The following ELP4 variants were observed in gnomAD, a reference collection of about 807,000 sequenced individuals.
The protein encoded by ELP4 is elongator complex protein 4.
Under a neutral mutation model 48.9 loss-of-function variants are expected in ELP4, and 51 were observed. The ratio of observed to expected loss-of-function variants is 1.04; its 90% confidence interval spans 0.83 to 1.32. The LOEUF is 1.32. ELP4 is among the 40% of genes most tolerant of loss of function. The pLI is 0.00. For missense variants in ELP4, 519 were observed against 514.6 expected (o/e 1.01, Z -0.08); for synonymous variants, 210 against 189.2 (o/e 1.11, Z -0.90).
intron 9 of ELP4, among the ~76,000 whole-genome samples, chr11:31,694,943 A>G (rs1480245210): frequency 1.3e-5 from 2 of 152,170 alleles, no homozygotes; most frequent in African/African-American, 4.8e-5. Context: ...GAGTTCACTC[A>G]TGATTTGGCT....
intron 6 of ELP4, among the ~76,000 whole-genome samples, chr11:31,630,953 GAA>G (rs898904071): frequency 1.3e-5 from 2 of 151,620 alleles, no homozygotes; most frequent in African/African-American, 4.8e-5. Context: ...CAAAAAAAAA[GAA>G]AAAAGAAAGA....
At chr11:31,534,636 A>G (rs887810559) in intron 2 of ELP4, among the ~76,000 whole-genome samples, 11 of 152,222 alleles carry the variant, frequency 7.2e-5, no homozygotes, top group Non-Finnish European at 1.5e-4. Flanking sequence ...AAACATAGAA[A>G]AAGTACTGAA....
intron 5 of ELP4, among the ~76,000 whole-genome samples, chr11:31,626,646 T>C (rs1364315945): frequency 6.6e-6 from 1 of 151,888 alleles, no homozygotes; most frequent in Non-Finnish European, 1.5e-5. Flanking sequence ...AAAATTATTA[T>C]TATTTTAGAA....
chr11:31,585,570 G>A (rs896076947), intron 3 of ELP4, among the ~76,000 whole-genome samples: 5 of 151,980 alleles, frequency 3.3e-5, no homozygotes, highest in Admixed American at 6.6e-5. Context: ...GAAAGAAAAC[G>A]TAACCCAAGA....
At chr11:31,773,201 T>G (rs957837250) in intron 9 of ELP4, among the ~76,000 whole-genome samples, 2 of 152,256 alleles carry the variant, frequency 1.3e-5, no homozygotes, top group African/African-American at 4.8e-5. Flanking sequence ...ATTTGCAGTC[T>G]ATTTGCTTCC....
intron 3 of ELP4, among the ~76,000 whole-genome samples, chr11:31,568,822 C>CA (rs973891486): frequency 5.9e-5 from 9 of 151,886 alleles, no homozygotes; most frequent in African/African-American, 2.2e-4. Context: ...CAGTGGATCA[C>CA]ACCTGTAATC....
At chr11:31,720,436 G>A (rs1260567000) in intron 9 of ELP4, among the ~76,000 whole-genome samples, 1 of 151,964 alleles carries the variant, frequency 6.6e-6, no homozygotes, top group African/African-American at 2.4e-5. Flanking sequence ...TGCTTGAATT[G>A]TAGTGAAGTG....
intron 9 of ELP4, among the ~76,000 whole-genome samples, chr11:31,671,242 G>A (rs1427866270): frequency 6.6e-6 from 1 of 152,114 alleles, no homozygotes; most frequent in Admixed American, 6.6e-5. Flanking sequence ...CCACTTAGAA[G>A]TTTTTTGGAC....
At chr11:31,740,833 T>A (rs577394330) in intron 9 of ELP4, among the ~76,000 whole-genome samples, 1 of 152,232 alleles carries the variant, frequency 6.6e-6, no homozygotes, top group East Asian at 1.9e-4. Context: ...GACGGGTGAT[T>A]TCTGCATTTC....
intron 5 of ELP4, among the ~76,000 whole-genome samples, chr11:31,618,737 A>G (rs943727387): frequency 6.6e-6 from 1 of 152,100 alleles, no homozygotes; most frequent in Non-Finnish European, 1.5e-5. Context: ...GGAGAATTGG[A>G]GGGAGTTGAT....
intron 3 of ELP4, among the ~76,000 whole-genome samples, chr11:31,575,663 A>T (rs932575139): frequency 6.6e-6 from 1 of 152,234 alleles, no homozygotes; most frequent in Non-Finnish European, 1.5e-5. Context: ...AGAATATTCA[A>T]CCCAGAATTT....
chr11:31,655,488 C>A (rs1221558888), intron 9 of ELP4, among the ~76,000 whole-genome samples: 1 of 151,962 alleles, frequency 6.6e-6, no homozygotes. Context: ...CTGCAGCAAA[C>A]AATTTGATTA....
intron 3 of ELP4, among the ~76,000 whole-genome samples, chr11:31,540,546 C>G (rs1351957276): frequency 6.6e-6 from 1 of 152,008 alleles, no homozygotes; most frequent in African/African-American, 2.4e-5. Flanking sequence ...TCTTGAATTC[C>G]TGGTCTCAAG....
intron 9 of ELP4, among the ~76,000 whole-genome samples, chr11:31,717,144 G>A (rs182408245): frequency 8.7e-4 from 132 of 152,316 alleles, no homozygotes; most frequent in Admixed American, 2.1e-3. Flanking sequence ...GATAAATGAA[G>A]GAATTGAAGG....
intron 3 of ELP4, among the ~76,000 whole-genome samples, chr11:31,570,250 G>C (rs1403391951): frequency 6.6e-6 from 1 of 152,096 alleles, no homozygotes; most frequent in Non-Finnish European, 1.5e-5. Context: ...AACTAACGCA[G>C]AAACAGAAAA....
chr11:31,650,798 A>G (rs1398317461), intron 9 of ELP4: 2 of 151,780 alleles, frequency 1.3e-5, no homozygotes, highest in East Asian at 3.9e-4. Context: ...TAATCTTCCT[A>G]AAGAGCAAAT....
chr11:31,689,943 T>C lies in ELP4; in HGVS notation c.1143+39722T>C, dbSNP rs1452120388. Reference sequence around the variant, plus strand: ...AAGTGCTTGTTAGCAAACAATACTCTGTTCTCCACCTCCTCCATATACCAG... The same window carrying C: ...AAGTGCTTGTTAGCAAACAATACTCCGTTCTCCACCTCCTCCATATACCAG... On this transcript the variant is annotated intron_variant, in intron 9 of 9. Transcript: ENST00000640961. Among the ~76,000 whole-genome samples the C allele has an allele frequency of 4.6e-5, 7 of 152,292 alleles. No homozygotes were observed. In the South Asian group the frequency reaches 1.5e-3, roughly 32 times the overall value.
chr11:31,611,691 C>T (rs7114335), intron 5 of ELP4, among the ~76,000 whole-genome samples: 138,934 of 152,258 alleles, frequency 0.91, 64,418 homozygotes, highest in South Asian at 1. Flanking sequence ...GCTATGAGCC[C>T]AGCATTATGC....
At chr11:31,732,300 G>T (rs558348521) in intron 9 of ELP4, among the ~76,000 whole-genome samples, 1 of 152,178 alleles carries the variant, frequency 6.6e-6, no homozygotes, top group East Asian at 1.9e-4. Context: ...TATAAAGTGG[G>T]TGGGGGTAGT....
Sources: gnomAD v4.1 joint callset for allele counts (sites outside exome capture counted in the v4.1 genomes callset) on GRCh38, gnomAD v4.1.1 for gene constraint, MANE v1.5 for transcripts, NCBI Gene and HGNC (gene_info 2026-07-23, HGNC 2026-07-21) for gene names.